DIP2C: variants seen among roughly 807,000 people sequenced by gnomAD.
DIP2C encodes the protein disco-interacting protein 2 homolog C.
Under a neutral mutation model 192.4 loss-of-function variants are expected in DIP2C, and 33 were observed. The ratio of observed to expected loss-of-function variants is 0.17; its 90% CI spans 0.13 to 0.23. The LOEUF (loss-of-function observed/expected upper bound fraction) is 0.23. DIP2C is among the 10% of genes least tolerant of loss of function. DIP2C has a pLI of 1.00. For synonymous variants in DIP2C, 979 were observed against 864.1 expected (o/e 1.13, Z -2.33); for missense variants, 1,537 against 2,110.1 (o/e 0.73, Z 5.32).
chr10:499,734 G>A (rs1200621315), intron 1 of DIP2C, among the ~76,000 whole-genome samples: 5 of 152,208 alleles, frequency 3.3e-5, no homozygotes, highest in Non-Finnish European at 5.9e-5. Flanking sequence ...TGGCATGTGG[G>A]GGTTATGGAA....
At chr10:674,282 G>A (rs1284482039) in intron 1 of DIP2C, among the ~76,000 whole-genome samples, 1 of 152,054 alleles carries the variant, frequency 6.6e-6, no homozygotes, top group Non-Finnish European at 1.5e-5. Context: ...TCACATTAAT[G>A]GAAATCAAAA....
At position 689,436 on chromosome 10, in the gene DIP2C, CCG is replaced by C; in HGVS notation, c.85+56_85+57del. 1 of 1,013,062 alleles carries C rather than the reference CCG, an allele frequency of 9.9e-7. No homozygotes were observed. Among genetic ancestry groups the C allele is most frequent in the South Asian group, 3.8e-5 (1 of 26,322 alleles). 62.8% of individuals were successfully genotyped at this position (1,013,062 alleles called of 1,614,324 possible). A position where few individuals can be genotyped will look rare whatever the true frequency, so the allele number is the denominator to read the frequency against. On this transcript the variant is annotated intron_variant, in intron 1 of 36. Coordinates refer to ENST00000280886, the MANE Select transcript of DIP2C (RefSeq NM_014974.3). The surrounding 1 kb of genome is among the most constrained non-coding windows in gnomAD (Gnocchi z 6.1). Reference sequence around the variant, plus strand: ...CCGCAGGCCCCGCGCCCCCAGCCCTCCGCGCGCGGCCCTCCCCGGTGACAGCG... The same window carrying C: ...CCGCAGGCCCCGCGCCCCCAGCCCTCCGCGCGGCCCTCCCCGGTGACAGCG...
chr10:356,539 G>C (rs1221910413), intron 23 of DIP2C, 33 bp from the exon 24 acceptor site: 4 of 1,583,620 alleles, frequency 2.5e-6, no homozygotes, highest in Non-Finnish European at 3.4e-6. Context: ...GGATCAGGCT[G>C]TGCGGTTGGA....
chr10:418,555 A>AG (rs1394604846), intron 6 of DIP2C, among the ~76,000 whole-genome samples: 7 of 152,220 alleles, frequency 4.6e-5, no homozygotes, highest in African/African-American at 9.6e-5. Context: ...TGGGCCACAA[A>AG]GAAGGAAGGA....
At chr10:595,771 T>C (rs1379801814) in intron 1 of DIP2C, among the ~76,000 whole-genome samples, 1 of 152,158 alleles carries the variant, frequency 6.6e-6, no homozygotes, top group African/African-American at 2.4e-5. Flanking sequence ...AATAAGGGTT[T>C]GGTTGGGAAA....
intron 4 of DIP2C, among the ~76,000 whole-genome samples, chr10:431,322 G>A (rs7913510): frequency 0.14 from 21,964 of 152,226 alleles, 3,877 homozygotes; most frequent in African/African-American, 0.42. Flanking sequence ...ATCCATGAAC[G>A]TGGACTACCT....
In DIP2C at chr10:367,350, G is replaced by A. The variant is rs544047150; in HGVS notation, c.2132-939C>T. Among the ~76,000 whole-genome samples the A allele has an allele frequency of 8.4e-4, 128 of 151,834 alleles. 1 individual carries two copies. Among genetic ancestry groups the A allele is most frequent in the South Asian group, 5.0e-3 (24 of 4,812 alleles). ...GAGAATGGCGTGAACCCGGGAGGCA[G>A]AGCCTGCGGTGAACCGAGATCGCGC... On this transcript the variant is annotated intron_variant, in intron 18 of 36. Transcript: ENST00000280886.
chr10:633,910 AACAGAG>A (rs1308602988), intron 1 of DIP2C, among the ~76,000 whole-genome samples: 1 of 152,208 alleles, frequency 6.6e-6, no homozygotes, highest in Non-Finnish European at 1.5e-5. Context: ...TCAACTCCCA[AACAGAG>A]ACAGAAACTG....
Position 636,802 on chromosome 10 carries a change from T to C in DIP2C, c.85+52692A>G, listed in dbSNP as rs946958332. Among the ~76,000 whole-genome samples, 5 of 152,332 alleles carry C rather than the reference T, an allele frequency of 3.3e-5. No individual in the cohort carries two copies. Among genetic ancestry groups the C allele is most frequent in the African/African-American group, 9.6e-5 (4 of 41,584 alleles). The stretch of plus-strand genomic sequence containing the variant: ...CAGGGCATCATTAAATTCCCTCTTA[T>C]GCACCTCAGTTCCCTGTAAACAGGA... On this transcript the variant is annotated intron_variant, in intron 1 of 36. Transcript: ENST00000280886. This position sits in a 1 kb window ranked among gnomAD's most constrained non-coding sequence, Gnocchi z 4.6.
At chr10:657,958 T>C (rs750154961) in intron 1 of DIP2C, among the ~76,000 whole-genome samples, 490 of 59,432 alleles carry the variant, frequency 8.2e-3, no homozygotes, top group African/African-American at 0.011. Flanking sequence ...CCTGGACCTG[T>C]CCCTGGACCT....
chr10:277,912 G>A (rs578131602), intron 36 of DIP2C, among the ~76,000 whole-genome samples: 1 of 152,206 alleles, frequency 6.6e-6, no homozygotes, highest in East Asian at 1.9e-4. Context: ...CTGCCTGGAG[G>A]ACCAATGCCC....
At chr10:440,239 G>A (rs530291293) in intron 4 of DIP2C, among the ~76,000 whole-genome samples, 4 of 152,268 alleles carry the variant, frequency 2.6e-5, no homozygotes, top group East Asian at 1.9e-4. Context: ...AATTCAGATC[G>A]GGGTTGGCAC....
intron 1 of DIP2C, among the ~76,000 whole-genome samples, chr10:614,129 T>C (rs1853284047): frequency 6.6e-6 from 1 of 152,226 alleles, no homozygotes; most frequent in East Asian, 1.9e-4. Context: ...TGCATTCTCT[T>C]TGCCATGCAC....
intron 1 of DIP2C, among the ~76,000 whole-genome samples, chr10:621,293 ATC>A (rs1853831639): frequency 6.7e-6 from 1 of 149,278 alleles, no homozygotes; most frequent in South Asian, 2.1e-4. Flanking sequence ...CTCTGTACAC[ATC>A]TGTCCCTGCC....
intron 1 of DIP2C, among the ~76,000 whole-genome samples, chr10:612,291 CAAAAA>C (rs138521910): frequency 7.1e-6 from 1 of 141,688 alleles, no homozygotes. Context: ...GACTCCGTCT[CAAAAA>C]AAAAAAATAA....
intron 1 of DIP2C, among the ~76,000 whole-genome samples, chr10:547,829 A>G (rs1020302975): frequency 6.6e-6 from 1 of 151,996 alleles, no homozygotes; most frequent in East Asian, 1.9e-4. Context: ...CTGCTGTTCC[A>G]TCGCACCCCT....
In DIP2C at chr10:591,799, C is replaced by T. The variant is rs816614; in HGVS notation, c.85+97695G>A. ...CACACCCCACACCCTCCTCTCCTTCCTTTTCAGAACTTCCACAGGATGAAA... is the reference window on the plus strand; with the variant it reads ...CACACCCCACACCCTCCTCTCCTTCTTTTTCAGAACTTCCACAGGATGAAA... On this transcript the variant is annotated intron_variant, in intron 1 of 36. Transcript: ENST00000280886. Among the ~76,000 whole-genome samples, 456 of 151,804 alleles carry T rather than the reference C, an allele frequency of 3.0e-3. 4 individuals carry two copies. The highest frequency in any genetic ancestry group is 0.011 in the African/African-American group (440 of 41,078).
At chr10:424,635 A>AT (rs1158874292) in intron 4 of DIP2C, among the ~76,000 whole-genome samples, 1 of 152,162 alleles carries the variant, frequency 6.6e-6, no homozygotes, top group Non-Finnish European at 1.5e-5. Context: ...AAGTGCTGAG[A>AT]TTACAGGCCT....
intron 1 of DIP2C, among the ~76,000 whole-genome samples, chr10:680,387 G>C (rs569203121): frequency 1.3e-5 from 2 of 152,134 alleles, no homozygotes; most frequent in Non-Finnish European, 2.9e-5. Context: ...TGGCAGGCTC[G>C]GCAGCTGCTC....
Sources: gnomAD v4.1 joint callset for allele counts (sites outside exome capture counted in the v4.1 genomes callset) on GRCh38, gnomAD v4.1.1 for gene constraint, Gnocchi (gnomAD v3.1) non-coding constraint, MANE v1.5 for transcripts, NCBI Gene and HGNC (gene_info 2026-07-23, HGNC 2026-07-21) for gene names.